The following FHIT variants were observed in gnomAD, a reference collection of about 807,000 sequenced individuals.
FHIT encodes fragile histidine triad diadenosine triphosphatase, also known as bis(5'-adenosyl)-triphosphatase.
Under a neutral mutation model 17.9 loss-of-function variants are expected in FHIT, and 19 were observed. The observed-to-expected ratio is 1.06, with a 90% CI of 0.74 to 1.56. FHIT has a LOEUF of 1.56. Ranked by LOEUF, FHIT falls within the 40% of genes most tolerant of loss-of-function variation. The pLI is 0.00. For synonymous variants in FHIT, 81 were observed against 69.7 expected, an observed-to-expected ratio of 1.16 and a Z score of -0.81; for missense variants, 248 against 189.2, an observed-to-expected ratio of 1.31 and a Z score of -1.82.
chr3:60,140,574 T>A (rs1576187358), intron 5 of FHIT, among the ~76,000 whole-genome samples: 1 of 111,566 alleles, frequency 9.0e-6, no homozygotes, highest in Admixed American at 9.9e-5. Context: ...ACACAGACTC[T>A]ATTTTTTTTT....
chr3:60,189,415 A>C (rs1702303260), intron 5 of FHIT, among the ~76,000 whole-genome samples: 1 of 152,150 alleles, frequency 6.6e-6, no homozygotes, highest in Non-Finnish European at 1.5e-5. Context: ...TCATTTACTG[A>C]AATCTTCCCA....
At chr3:59,866,777 C>T (rs1024797808) in intron 8 of FHIT, among the ~76,000 whole-genome samples, 3 of 152,104 alleles carry the variant, frequency 2.0e-5, no homozygotes, top group Admixed American at 1.3e-4. Flanking sequence ...CTGTAGATAG[C>T]TTCTGGCCAA....
At chr3:60,722,707 C>CTTTTTTTTTTTT (rs1157024624) in intron 4 of FHIT, among the ~76,000 whole-genome samples, 1 of 104,946 alleles carries the variant, frequency 9.5e-6, no homozygotes, top group Non-Finnish European at 1.9e-5. Flanking sequence ...TACCTTAAAT[C>CTTTTTTTTTTTT]TTTTTTTTTT....
At chr3:59,948,731 G>C (rs1204245363) in intron 7 of FHIT, among the ~76,000 whole-genome samples, 1 of 151,952 alleles carries the variant, frequency 6.6e-6, no homozygotes, top group Non-Finnish European at 1.5e-5. Flanking sequence ...GTGACGTTGA[G>C]TATCTTTTCA....
At chr3:61,125,804 A>T (rs963156931) in intron 2 of FHIT, among the ~76,000 whole-genome samples, 1 of 152,158 alleles carries the variant, frequency 6.6e-6, no homozygotes, top group Non-Finnish European at 1.5e-5. Flanking sequence ...AAAGGATGGG[A>T]GGAGGAGTAA....
intron 4 of FHIT, among the ~76,000 whole-genome samples, chr3:60,808,288 G>C (rs1553735020): frequency 6.6e-6 from 1 of 152,076 alleles, no homozygotes; most frequent in Non-Finnish European, 1.5e-5. Context: ...AGGAGGAAAA[G>C]TGAGCACTAA....
chr3:60,737,778 T>A (rs1364309632), intron 4 of FHIT, among the ~76,000 whole-genome samples: 5 of 152,132 alleles, frequency 3.3e-5, no homozygotes, highest in Non-Finnish European at 7.4e-5. Context: ...GTACGAGGTA[T>A]TGTGGGGTGG....
rs184199586 is a variant in FHIT, at chr3:60,899,070, T to C, written c.-110-77059A>G. Among the ~76,000 whole-genome samples the C allele has an allele frequency of 2.6e-5, 4 of 152,342 alleles. No homozygotes were observed. In the East Asian group the frequency reaches 7.7e-4, roughly 29 times the overall value. ...CTGTGCTTTCCCAAGAACATGTAAC[T>C]ACTACAGATAAATCCGCTACTTTGA... On this transcript the variant is annotated intron_variant, in intron 3 of 9. Coordinates refer to ENST00000492590, the MANE Select transcript of FHIT (RefSeq NM_002012.4).
intron 3 of FHIT, among the ~76,000 whole-genome samples, chr3:61,037,438 G>C (rs1213360106): frequency 6.6e-6 from 1 of 152,168 alleles, no homozygotes; most frequent in African/African-American, 2.4e-5. Context: ...GATGATATTA[G>C]ATGGTACATG....
intron 7 of FHIT, among the ~76,000 whole-genome samples, chr3:59,978,872 C>T (rs1278772550): frequency 3.3e-5 from 5 of 151,778 alleles, no homozygotes; most frequent in African/African-American, 1.2e-4. Context: ...CCAACCAGTA[C>T]ACCAGGTTAC....
At chr3:60,371,153 C>G (rs1700310221) in intron 5 of FHIT, among the ~76,000 whole-genome samples, 1 of 152,120 alleles carries the variant, frequency 6.6e-6, no homozygotes, top group Non-Finnish European at 1.5e-5. Flanking sequence ...TTTTACTGGA[C>G]TCTATTTGAA....
At chr3:60,026,067 T>C (rs533837260) in intron 5 of FHIT, among the ~76,000 whole-genome samples, 1 of 152,256 alleles carries the variant, frequency 6.6e-6, no homozygotes, top group South Asian at 2.1e-4. Context: ...TGTCTCCTAA[T>C]AAAATCAACT....
intron 5 of FHIT, among the ~76,000 whole-genome samples, chr3:60,478,746 T>C (rs1407036986): frequency 6.6e-6 from 1 of 152,154 alleles, no homozygotes; most frequent in South Asian, 2.1e-4. Flanking sequence ...ACATAAAAGG[T>C]GCTCCATTTT....
At chr3:61,051,140 T>C (rs1358308781) in intron 2 of FHIT, among the ~76,000 whole-genome samples, 1 of 152,164 alleles carries the variant, frequency 6.6e-6, no homozygotes, top group Non-Finnish European at 1.5e-5. Flanking sequence ...AAAAAATCTA[T>C]GAAGAAAGAG....
intron 5 of FHIT, among the ~76,000 whole-genome samples, chr3:60,315,359 A>G (rs558301347): frequency 6.6e-6 from 1 of 152,322 alleles, no homozygotes; most frequent in East Asian, 1.9e-4. Context: ...GCATATGTAT[A>G]CACACGAGTA....
chr3:59,936,482 A>G (rs940180119), intron 7 of FHIT, among the ~76,000 whole-genome samples: 2 of 152,180 alleles, frequency 1.3e-5, no homozygotes, highest in African/African-American at 2.4e-5. Flanking sequence ...AATAAAATGT[A>G]TAATAATAAA....
intron 1 of FHIT, among the ~76,000 whole-genome samples, chr3:61,212,297 A>G: frequency 6.6e-6 from 1 of 152,232 alleles, no homozygotes; most frequent in Non-Finnish European, 1.5e-5. Flanking sequence ...CAATACAGAG[A>G]AGTGCTTAAA....
chr3:59,982,800 C>G (rs572425974), intron 7 of FHIT, among the ~76,000 whole-genome samples: 9 of 152,236 alleles, frequency 5.9e-5, no homozygotes, highest in African/African-American at 2.2e-4. Flanking sequence ...AGCCCCAGTC[C>G]CTACTGTCTT....
At chr3:61,168,116 T>G (rs1220421749) in intron 2 of FHIT, among the ~76,000 whole-genome samples, 2 of 152,192 alleles carry the variant, frequency 1.3e-5, no homozygotes, top group East Asian at 3.8e-4. Context: ...TCAAAAGAAT[T>G]ATGTTTCATG....
Sources: allele counts gnomAD v4.1 joint callset (sites outside exome capture counted in the v4.1 genomes callset), GRCh38; gene constraint gnomAD v4.1.1; transcripts MANE v1.5; gene names NCBI Gene and HGNC (gene_info 2026-07-23, HGNC 2026-07-21).